FOXN3: variants seen among roughly 807,000 people sequenced by gnomAD.
FOXN3 encodes forkhead box protein N3.
FOXN3 carries 7 observed loss-of-function variants against 38.4 expected under a neutral mutation model. The ratio of observed to expected loss-of-function variants is 0.18; its 90% CI spans 0.10 to 0.34. The LOEUF is 0.34. Ranked by LOEUF, FOXN3 falls within the 10% of genes least tolerant of loss-of-function variation. The pLI is 1.00. For missense variants in FOXN3, 456 were observed against 613.4 expected (o/e 0.74, Z 2.71); for synonymous variants, 230 against 242.2 (o/e 0.95, Z 0.47).
chr14:89,466,319 T>C (rs186400437), intron 1 of FOXN3, among the ~76,000 whole-genome samples: 1 of 152,326 alleles, frequency 6.6e-6, no homozygotes, highest in East Asian at 1.9e-4. Context: ...GGGCCGCCAT[T>C]TTGCTGACAA....
At chr14:89,557,123 CTT>C (rs1233162922) in intron 1 of FOXN3, among the ~76,000 whole-genome samples, 1 of 152,188 alleles carries the variant, frequency 6.6e-6, no homozygotes, top group African/African-American at 2.4e-5. Flanking sequence ...TCACCCAGCT[CTT>C]GACTGTCCTC....
At chr14:89,587,159 C>G (rs1333285137) in intron 1 of FOXN3, among the ~76,000 whole-genome samples, 1 of 152,220 alleles carries the variant, frequency 6.6e-6, no homozygotes, top group Non-Finnish European at 1.5e-5. Flanking sequence ...GCAAAATTTC[C>G]TCTTTTTCGG....
intron 1 of FOXN3, among the ~76,000 whole-genome samples, chr14:89,546,329 C>CTTTCTTTTTTTT (rs1555359724): frequency 8.4e-4 from 66 of 78,328 alleles, no homozygotes; most frequent in African/African-American, 3.4e-3. Context: ...TTTCCTTTTT[C>CTTTCTTTTTTTT]TTTTTTTTTT....
In FOXN3 at chr14:89,439,224, T is replaced by C. The variant is rs116920118; in HGVS notation, c.-14-26734A>G. Among the ~76,000 whole-genome samples the C allele has an allele frequency of 1.5e-4, 23 of 152,202 alleles. 1 individual carries two copies. In the East Asian group the frequency reaches 3.5e-3, roughly 23 times the overall value. ...CAATAGCTCTTTGAGGTAGGTACTCTCAGAGGCACGTAATCCAGAGCAACT... is the reference window on the plus strand; with the variant it reads ...CAATAGCTCTTTGAGGTAGGTACTCCCAGAGGCACGTAATCCAGAGCAACT... On this transcript the variant is annotated intron_variant, in intron 1 of 6. Coordinates refer to the FOXN3 transcript ENST00000345097.
intron 4 of FOXN3, among the ~76,000 whole-genome samples, chr14:89,202,311 T>C (rs1888256234): frequency 6.6e-6 from 1 of 152,210 alleles, no homozygotes; most frequent in African/African-American, 2.4e-5. Context: ...CAGGACGTAG[T>C]CTGAGAACAA....
intron 4 of FOXN3, among the ~76,000 whole-genome samples, chr14:89,277,057 T>C (rs1295957985): frequency 1.3e-5 from 2 of 152,236 alleles, no homozygotes; most frequent in African/African-American, 4.8e-5. Context: ...GGTGATGTTT[T>C]AATAAAGTAA....
chr14:89,218,911 C>A (rs1456109485), intron 4 of FOXN3, among the ~76,000 whole-genome samples: 1 of 152,352 alleles, frequency 6.6e-6, no homozygotes, highest in Middle Eastern at 3.4e-3. Context: ...TATACACAAA[C>A]TCTATTCTCA....
chr14:89,403,046 C>G (rs1046273583), intron 2 of FOXN3, among the ~76,000 whole-genome samples: 29 of 152,190 alleles, frequency 1.9e-4, no homozygotes, highest in African/African-American at 6.8e-4. Flanking sequence ...GGGAAGCCAG[C>G]CTAACTTTGA....
chr14:89,190,487 G>A (rs756211766), intron 4 of FOXN3: 38 of 1,557,394 alleles, frequency 2.4e-5, no homozygotes, highest in East Asian at 1.1e-4. Flanking sequence ...TATTTACAAC[G>A]GGGCCGGTGT....
chr14:89,417,414 C>G (rs1329289453), upstream of FOXN3: 9 of 147,778 alleles, frequency 6.1e-5, no homozygotes, highest in Non-Finnish European at 1.2e-4. Context: ...AGCACTCAGC[C>G]AGGGCGGAGG....
intron 2 of FOXN3, among the ~76,000 whole-genome samples, chr14:89,381,955 G>A (rs1352063412): frequency 6.6e-6 from 1 of 152,064 alleles, no homozygotes; most frequent in Non-Finnish European, 1.5e-5. Context: ...GCTTGACCTG[G>A]TGTGTCTGCA....
At chr14:89,238,995 T>C (rs1885063433) in intron 4 of FOXN3, among the ~76,000 whole-genome samples, 1 of 152,142 alleles carries the variant, frequency 6.6e-6, no homozygotes, top group Non-Finnish European at 1.5e-5. Context: ...CACATGAACA[T>C]TTAAAATGAA....
intron 3 of FOXN3, among the ~76,000 whole-genome samples, chr14:89,348,704 G>A (rs898364741): frequency 6.6e-6 from 1 of 152,106 alleles, no homozygotes; most frequent in Non-Finnish European, 1.5e-5. Context: ...TGGAGGTGAC[G>A]GAGTGGGGTC....
chr14:89,310,523 A>G (rs1887505572), intron 3 of FOXN3, among the ~76,000 whole-genome samples: 1 of 152,196 alleles, frequency 6.6e-6, no homozygotes, highest in South Asian at 2.1e-4. Context: ...AAAGACAACT[A>G]CTAATGAATC....
At chr14:89,345,697 C>T (rs1888740374) in intron 3 of FOXN3, among the ~76,000 whole-genome samples, 1 of 152,142 alleles carries the variant, frequency 6.6e-6, no homozygotes, top group African/African-American at 2.4e-5. Flanking sequence ...CACAGTTTAG[C>T]ACCCACTTAT....
At chr14:89,233,330 A>G (rs1884875689) in intron 4 of FOXN3, among the ~76,000 whole-genome samples, 1 of 152,196 alleles carries the variant, frequency 6.6e-6, no homozygotes, top group South Asian at 2.1e-4. Flanking sequence ...AAAGGCAAAA[A>G]GTGGTAACTT....
intron 4 of FOXN3, among the ~76,000 whole-genome samples, chr14:89,254,466 C>T (rs1303432999): frequency 2.0e-5 from 3 of 152,180 alleles, no homozygotes; most frequent in Non-Finnish European, 2.9e-5. Flanking sequence ...GCCAGACAGA[C>T]AGCTCGGAGT....
chr14:89,261,757 G>T (rs905718962), intron 4 of FOXN3, among the ~76,000 whole-genome samples: 2 of 151,996 alleles, frequency 1.3e-5, no homozygotes, highest in Non-Finnish European at 2.9e-5. Flanking sequence ...ATGAAACCCC[G>T]TCTCTACCAA....
chr14:89,438,106 T>C (rs952322803), intron 1 of FOXN3, among the ~76,000 whole-genome samples: 4 of 152,220 alleles, frequency 2.6e-5, no homozygotes, highest in African/African-American at 9.6e-5. Flanking sequence ...AATTCCAAAA[T>C]TAGAAAATTA....
Sources: gnomAD v4.1 joint callset for allele counts (sites outside exome capture counted in the v4.1 genomes callset) on GRCh38, gnomAD v4.1.1 for gene constraint, MANE v1.5 for transcripts, NCBI Gene and HGNC (gene_info 2026-07-23, HGNC 2026-07-21) for gene names.